The following SLC26A7 variants were observed in gnomAD, a reference collection of about 807,000 sequenced individuals.
The protein encoded by SLC26A7 is solute carrier family 26 member 7.
A neutral mutation model predicts 82.5 loss-of-function variants in SLC26A7; 59 were observed. The observed-to-expected ratio is 0.72, with a 90% CI of 0.58 to 0.89. The LOEUF is 0.89. Among genes scored for constraint, SLC26A7 ranks in the 40% least tolerant of loss-of-function variants. The probability of loss-of-function intolerance (pLI) is 0.00; values close to 1 mark genes in which losing one functional copy is unlikely to be tolerated. For synonymous variants in SLC26A7, 271 were observed against 274.3 expected (o/e 0.99, Z 0.12); for missense variants, 820 against 793.0 (o/e 1.03, Z -0.41).
At chr8:91,303,503 A>G (rs1309995623) in intron 4 of SLC26A7, among the ~76,000 whole-genome samples, 1 of 152,170 alleles carries the variant, frequency 6.6e-6, no homozygotes, top group East Asian at 1.9e-4. Flanking sequence ...GGCTGCCTTC[A>G]CTAGAATAAT....
At chr8:91,340,007 A>G (rs1459115841) in intron 7 of SLC26A7, among the ~76,000 whole-genome samples, 1 of 152,196 alleles carries the variant, frequency 6.6e-6, no homozygotes, top group Non-Finnish European at 1.5e-5. Context: ...GTGTTTGCAT[A>G]CAGCACTGTA....
chr8:91,251,300 C>T (rs897592503), intron 2 of SLC26A7, among the ~76,000 whole-genome samples: 12 of 151,782 alleles, frequency 7.9e-5, no homozygotes, highest in African/African-American at 1.9e-4. Context: ...TTTTGTTTTA[C>T]GAGTCATGTA....
chr8:91,356,974 C>T (rs1813887598), intron 11 of SLC26A7, among the ~76,000 whole-genome samples: 1 of 152,164 alleles, frequency 6.6e-6, no homozygotes, highest in South Asian at 2.1e-4. Flanking sequence ...CCTCAGAAAT[C>T]AGGTTCACTG....
At chr8:91,327,205 T>A (rs890599043) in intron 5 of SLC26A7, among the ~76,000 whole-genome samples, 1 of 152,038 alleles carries the variant, frequency 6.6e-6, no homozygotes, top group African/African-American at 2.4e-5. Flanking sequence ...TTGCTTGTTT[T>A]TTGTTTGTTT....
intron 2 of SLC26A7, among the ~76,000 whole-genome samples, chr8:91,219,972 C>T (rs1007308838): frequency 1.3e-5 from 2 of 152,162 alleles, no homozygotes; most frequent in East Asian, 3.8e-4. Flanking sequence ...TGGTGGAAAG[C>T]TGAGTGGAGT....
At chr8:91,348,602 T>A (rs77418990) in intron 9 of SLC26A7, among the ~76,000 whole-genome samples, 2,595 of 152,174 alleles carry the variant, frequency 0.017, 35 homozygotes, top group Middle Eastern at 0.027. Flanking sequence ...AAAGAAGGAG[T>A]TAAAGAGTAA....
intron 5 of SLC26A7, among the ~76,000 whole-genome samples, chr8:91,323,337 A>G (rs1434635106): frequency 6.6e-6 from 1 of 152,224 alleles, no homozygotes; most frequent in Non-Finnish European, 1.5e-5. Context: ...AGCCAATGTT[A>G]CTTTAGGATT....
intron 2 of SLC26A7, among the ~76,000 whole-genome samples, chr8:91,231,193 A>G (rs1810305816): frequency 6.6e-6 from 1 of 152,204 alleles, no homozygotes; most frequent in Non-Finnish European, 1.5e-5. Context: ...ATTAGTGGAA[A>G]TGCTCAGCAG....
chr8:91,241,753 A>T (rs939054066), intron 2 of SLC26A7, among the ~76,000 whole-genome samples: 5 of 152,182 alleles, frequency 3.3e-5, no homozygotes, highest in African/African-American at 1.2e-4. Context: ...CCTAAAAATA[A>T]TTATAAGCCC....
chr8:91,340,981 C>T (rs1813393002), intron 8 of SLC26A7, among the ~76,000 whole-genome samples: 1 of 126,552 alleles, frequency 7.9e-6, no homozygotes, highest in Non-Finnish European at 1.8e-5. Flanking sequence ...TTGCATATGT[C>T]CTGTTTCTTT....
intron 16 of SLC26A7, among the ~76,000 whole-genome samples, chr8:91,390,379 A>G (rs989276245): frequency 6.6e-6 from 1 of 152,106 alleles, no homozygotes; most frequent in African/African-American, 2.4e-5. Flanking sequence ...GGCCTCCCAA[A>G]GTGCTGGGAT....
At chr8:91,326,366 A>C (rs1812931237) in intron 5 of SLC26A7, among the ~76,000 whole-genome samples, 1 of 152,096 alleles carries the variant, frequency 6.6e-6, no homozygotes, top group Non-Finnish European at 1.5e-5. Flanking sequence ...ATGTGCTGAC[A>C]GGACTGGTTT....
At chr8:91,293,885 C>T (rs573064548) in intron 3 of SLC26A7, among the ~76,000 whole-genome samples, 5 of 152,258 alleles carry the variant, frequency 3.3e-5, no homozygotes, top group East Asian at 1.9e-4. Flanking sequence ...AATATAACCT[C>T]GGAAATATGT....
At chr8:91,360,709 C>A (rs891196101) in intron 11 of SLC26A7, among the ~76,000 whole-genome samples, 10 of 152,210 alleles carry the variant, frequency 6.6e-5, no homozygotes, top group African/African-American at 2.2e-4. Context: ...GGACCAGGAT[C>A]CTTAGTTCCC....
At chr8:91,209,939 C>T (rs1809877129) in intron 1 of SLC26A7, among the ~76,000 whole-genome samples, 2 of 152,108 alleles carry the variant, frequency 1.3e-5, no homozygotes, top group African/African-American at 2.4e-5. Flanking sequence ...ATGCAAGGTA[C>T]TATGCTAAGC....
Position 91,395,439 on chromosome 8 carries a change from C to G in SLC26A7, c.*342C>G. ...AGTTGATGTTTAAAATTGAGAAATA[C>G]TTTTGTCATAGGTAATTTGGAACAT... On this transcript the variant is annotated 3_prime_UTR_variant, in exon 19 of 19. Coordinates refer to ENST00000276609, the MANE Select transcript of SLC26A7 (RefSeq NM_052832.4). 3.9e-6 allele frequency: 1 copy of G among 254,462 alleles called. No individual in the cohort carries two copies. The highest frequency in any genetic ancestry group is 6.8e-6 in the Non-Finnish European group (1 of 147,386). The allele number at this position is 254,462 out of a possible 1,614,324, so 15.8% of individuals were successfully genotyped here.
chr8:91,219,146 C>G, intron 2 of SLC26A7: 1 of 415,856 alleles, frequency 2.4e-6, no homozygotes, highest in Non-Finnish European at 4.3e-6. Context: ...TATAACGTTC[C>G]CAATCTAAGC....
Position 91,362,386 on chromosome 8 carries a change from T to C in SLC26A7, c.1348T>C (p.Cys450Arg). The C allele has an allele frequency of 6.2e-7, 1 of 1,613,406 alleles. No homozygotes were observed. Among genetic ancestry groups the C allele is most frequent in the Non-Finnish European group, 8.5e-7 (1 of 1,179,422 alleles). ...GGTCAGTACATATGTATTTACAATATGCTTTGCTGCCAATGTGGGACTGCT... is the reference window on the plus strand; with the variant it reads ...GGTCAGTACATATGTATTTACAATACGCTTTGCTGCCAATGTGGGACTGCT... ...IWVSTYVFTI[C>R]FAANVGLLFG... Residue 450 changes from cysteine (C) to arginine (R), a missense_variant, in exon 12 of 19, where the codon TGC (cysteine) becomes CGC (arginine). Physicochemically the swap from Cys to Arg is radical, Grantham distance 180. Transcript: ENST00000276609.
chr8:91,220,551 T>C (rs912428731), intron 2 of SLC26A7, among the ~76,000 whole-genome samples: 1 of 152,066 alleles, frequency 6.6e-6, no homozygotes, highest in Admixed American at 6.6e-5. Context: ...CCTTTCTGTG[T>C]CCATGTGTTC....
Sources: gnomAD v4.1 joint callset for allele counts (sites outside exome capture counted in the v4.1 genomes callset) on GRCh38, gnomAD v4.1.1 for gene constraint, MANE v1.5 for transcripts, NCBI Gene and HGNC (gene_info 2026-07-23, HGNC 2026-07-21) for gene names.